CLNS1A: variants seen among roughly 807,000 people sequenced by gnomAD.
CLNS1A encodes the protein methylosome subunit pICln.
CLNS1A carries 16 observed loss-of-function variants against 29.4 expected under a neutral mutation model. That is an observed-to-expected ratio of 0.54 (90% CI 0.37 to 0.83). The LOEUF (loss-of-function observed/expected upper bound fraction) is 0.83, where lower values mean the gene tolerates loss of function less well. Ranked by LOEUF, CLNS1A falls within the 40% of genes least tolerant of loss-of-function variation. The probability of loss-of-function intolerance (pLI) is 0.00; values close to 1 mark genes in which losing one functional copy is unlikely to be tolerated. For missense variants in CLNS1A, 235 were observed against 287.4 expected, an observed-to-expected ratio of 0.82 and a Z score of 1.32; for synonymous variants, 96 against 104.8, an observed-to-expected ratio of 0.92 and a Z score of 0.51.
chr11:77,627,447 G>T (rs200393102), intron 2 of CLNS1A, among the ~76,000 whole-genome samples: 1 of 122,044 alleles, frequency 8.2e-6, no homozygotes, highest in African/African-American at 3.0e-5. Context: ...CAAAAAAAAA[G>T]AAAAAAAAAA....
At chr11:77,633,956 C>T (rs1590804561) in intron 1 of CLNS1A, among the ~76,000 whole-genome samples, 2 of 152,138 alleles carry the variant, frequency 1.3e-5, no homozygotes, top group South Asian at 4.2e-4. Flanking sequence ...CAAAATTAGC[C>T]AGGCATGGTG....
chr11:77,621,302 C>T (rs1339512063), intron 5 of CLNS1A, among the ~76,000 whole-genome samples: 2 of 146,952 alleles, frequency 1.4e-5, no homozygotes, highest in Non-Finnish European at 1.5e-5. Context: ...CAAACACACA[C>T]ACACACACAC....
intron 2 of CLNS1A, 107 bp from the exon 3 acceptor site, chr11:77,625,925 C>CA: frequency 1.0e-6 from 1 of 972,536 alleles, no homozygotes; most frequent in South Asian, 1.7e-5. Context: ...TTATGGTTGA[C>CA]AAATTTATTT....
At chr11:77,622,908 A>T (rs1301449922) in intron 4 of CLNS1A, among the ~76,000 whole-genome samples, 1 of 149,522 alleles carries the variant, frequency 6.7e-6, no homozygotes. Flanking sequence ...AGATCACGCC[A>T]TTGTACTCCA....
intron 5 of CLNS1A, among the ~76,000 whole-genome samples, chr11:77,621,068 G>C (rs546868774): frequency 6.9e-6 from 1 of 144,770 alleles, no homozygotes; most frequent in African/African-American, 2.6e-5. Flanking sequence ...AGGCTGAGGC[G>C]GGCGGATCAC....
At chr11:77,624,007 T>G (rs1431801193) in intron 4 of CLNS1A, among the ~76,000 whole-genome samples, 1 of 152,198 alleles carries the variant, frequency 6.6e-6, no homozygotes, top group African/African-American at 2.4e-5. Flanking sequence ...CTCATGCCTG[T>G]AACCCAGCAT....
rs1958971426 is a variant in CLNS1A, at chr11:77,622,660, C to A, written c.486G>T (p.Gly162=). ...CATAGGTGTAAAATGTAGGGATGTC[C>A]CCCTGTCCTTGTTCTAAACAAACAG... ...YDVEAHEQGQ[G]DIPTFYTYEE... The change falls in exon 5 of 7, where the codon GGG becomes GGT. Residue 162 remains glycine, a synonymous_variant. Transcript: ENST00000525428. The A allele has an allele frequency of 1.3e-6, 2 of 1,590,808 alleles. No individual in the cohort carries two copies. Among genetic ancestry groups the A allele is most frequent in the African/African-American group, 2.7e-5 (2 of 73,628 alleles).
At chr11:77,618,815 T>G (rs1958929238) in intron 6 of CLNS1A, 1 of 152,240 alleles carries the variant, frequency 6.6e-6, no homozygotes, top group Non-Finnish European at 1.5e-5. Flanking sequence ...GAAATATTTA[T>G]CATTGCAGGG....
At chr11:77,627,164 T>C (rs1391556758) in intron 2 of CLNS1A, among the ~76,000 whole-genome samples, 1 of 151,064 alleles carries the variant, frequency 6.6e-6, no homozygotes, top group Admixed American at 6.6e-5. Flanking sequence ...CCAAGCGAGG[T>C]GGCTAACGCC....
rs1361482658 is a variant in CLNS1A, at chr11:77,625,706, A to G, written c.364+11T>C. ...GTAAAAGGGGAAGAATCAATACTGT[A>G]GAACACTCACACGCTGATTTATCAC... On this transcript the variant is annotated intron_variant, in intron 3 of 6. Transcript: ENST00000525428. The G allele has an allele frequency of 1.2e-6, 2 of 1,606,044 alleles. No individual in the cohort carries two copies. Among genetic ancestry groups the G allele is most frequent in the South Asian group, 2.2e-5 (2 of 89,018 alleles).
intron 2 of CLNS1A, 50 bp from the exon 3 acceptor site, chr11:77,625,868 G>T: frequency 1.5e-6 from 2 of 1,357,834 alleles, no homozygotes; most frequent in Non-Finnish European, 2.0e-6. Context: ...TTAAAAAAAT[G>T]AAGCATATTG....
intron 4 of CLNS1A, among the ~76,000 whole-genome samples, chr11:77,623,356 G>A (rs926672344): frequency 4.6e-5 from 7 of 152,106 alleles, no homozygotes; most frequent in African/African-American, 1.4e-4. Context: ...TTGAGAGGCC[G>A]AGCTGGGAGG....
rs758471978 is a variant in CLNS1A at position 77,624,957 on chromosome 11, A to C, written c.472+6T>G. The C allele has an allele frequency of 5.1e-5, 81 of 1,581,626 alleles. No individual in the cohort carries two copies. The highest frequency in any genetic ancestry group is 6.8e-5 in the Non-Finnish European group (79 of 1,155,388). On this transcript the variant is annotated splice_donor_region_variant and intron_variant, in intron 4 of 6. Coordinates refer to ENST00000525428, the MANE Select transcript of CLNS1A (RefSeq NM_001293.3). ...AAAAACCCACTTTAAAATCCATTTC[A>C]CTAACCATGTGCTTCCACATCATAT...
chr11:77,622,427 A>C (rs761288566), intron 5 of CLNS1A, 73 bp downstream of exon 5: 2 of 1,113,682 alleles, frequency 1.8e-6, no homozygotes, highest in Non-Finnish European at 2.6e-6. Context: ...TTATTAAAAG[A>C]ACTTCTATTG....
chr11:77,621,694 G>A (rs778032224), intron 5 of CLNS1A, among the ~76,000 whole-genome samples: 1 of 152,232 alleles, frequency 6.6e-6, no homozygotes, highest in African/African-American at 2.4e-5. Context: ...ACTTGGCTAG[G>A]CAATGGTGTC....
chr11:77,623,153 G>A (rs1416426108), intron 4 of CLNS1A, among the ~76,000 whole-genome samples: 1 of 151,730 alleles, frequency 6.6e-6, no homozygotes, highest in Non-Finnish European at 1.5e-5. Flanking sequence ...CCAAGTCCAG[G>A]GACTAGAAAA....
chr11:77,631,899 C>G (rs942796761), intron 1 of CLNS1A, among the ~76,000 whole-genome samples: 1 of 152,000 alleles, frequency 6.6e-6, no homozygotes, highest in Non-Finnish European at 1.5e-5. Flanking sequence ...CACCACGCCT[C>G]GCTAATTTTT....
intron 1 of CLNS1A, among the ~76,000 whole-genome samples, chr11:77,633,415 T>G (rs1788372206): frequency 6.6e-6 from 1 of 152,252 alleles, no homozygotes. Context: ...TTGCATTTAC[T>G]CTTTGTATAT....
chr11:77,628,125 A>G (rs2135771141), intron 2 of CLNS1A, among the ~76,000 whole-genome samples: 1 of 152,220 alleles, frequency 6.6e-6, no homozygotes, highest in African/African-American at 2.4e-5. Flanking sequence ...TGCCCGGCCT[A>G]ATGACAGAGT....
Sources: allele counts gnomAD v4.1 joint callset (sites outside exome capture counted in the v4.1 genomes callset), GRCh38; gene constraint gnomAD v4.1.1; transcripts MANE v1.5; gene names NCBI Gene and HGNC (gene_info 2026-07-23, HGNC 2026-07-21).